FRMD7: variants seen among roughly 807,000 people sequenced by gnomAD.
The protein encoded by FRMD7 is FERM domain containing 7, also known as FERM domain-containing protein 7.
In FRMD7, 14 loss-of-function variants were observed where a neutral mutation model predicts 44.1. That is an observed-to-expected ratio of 0.32 (90% CI 0.21 to 0.50). FRMD7 has a LOEUF of 0.50. FRMD7 is among the 20% of genes least tolerant of loss of function. FRMD7 has a pLI of 0.99. For synonymous variants in FRMD7, 212 were observed against 187.4 expected (o/e 1.13, Z -1.07); for missense variants, 501 against 522.3 (o/e 0.96, Z 0.40).
At chrX:132,095,058 T>TTTTATTTATTTA (rs10554395) in intron 4 of FRMD7, among the ~76,000 whole-genome samples, 2 of 91,310 alleles carry the variant, frequency 2.2e-5, no homozygotes, top group African/African-American at 4.0e-5. Context: ...GGTTCCAATA[T>TTTTATTTATTTA]TTTATTTATT....
Position 132,085,635 on chromosome X carries a change from A to T in FRMD7, c.591T>A (p.Gly197=). 8.3e-7 allele frequency: 1 copy of T among 1,209,895 alleles called. No individual in the cohort carries two copies. Among genetic ancestry groups the T allele is most frequent in the East Asian group, 3.0e-5 (1 of 33,825 alleles). The change falls in exon 7 of 12, where the codon GGT becomes GGA. Residue 197 remains glycine, a synonymous_variant. Transcript: ENST00000298542. The part of the protein sequence containing the change: ...YGIRPHPASD[G]EGMQIHLAVA... ...CAGCCAGGTGAATCTGCATCCCTTC[A>T]CCATCACTGGCGGGGTGAGGCCTGA...
Position 132,102,107 on chromosome X carries a change from C to G in FRMD7, c.58-1391G>C, listed in dbSNP as rs779083185. ...AGAGTCCATCCACCACCAATTCCCC[C>G]CTCCCTCAAGGCAGCACCACACTGA... On this transcript the variant is annotated intron_variant, in intron 1 of 11. Coordinates refer to ENST00000298542, the MANE Select transcript of FRMD7 (RefSeq NM_194277.3). 5.4e-5 allele frequency among the ~76,000 whole-genome samples: 6 copies of G among 110,680 alleles called. No individual in the cohort carries two copies. In the South Asian group the frequency reaches 2.3e-3, roughly 43 times the overall value.
At chrX:132,089,764 T>TAA (rs2124232028) in intron 5 of FRMD7, among the ~76,000 whole-genome samples, 1 of 112,190 alleles carries the variant, frequency 8.9e-6, no homozygotes, top group African/African-American at 3.2e-5. Context: ...AGGAAAATGC[T>TAA]AATTAAAATT....
intron 1 of FRMD7, among the ~76,000 whole-genome samples, chrX:132,101,980 C>A (rs1928512304): frequency 9.0e-6 from 1 of 111,197 alleles, no homozygotes. Context: ...TAGTTAAAGG[C>A]GAGTCACGCG....
At position 132,078,626 on chromosome X, in the gene FRMD7, G is replaced by A; in HGVS notation, c.1391C>T (p.Thr464Ile). 2 of 1,211,290 alleles carry A rather than the reference G, an allele frequency of 1.7e-6. No homozygotes were observed. The highest frequency in any genetic ancestry group is 2.3e-4 in the Middle Eastern group (1 of 4,353). ...CTGCTTTGCTGGACGCACTTTGCTTGTGAGGCCAGAATATATGCTCATGTG... is the reference window on the plus strand; with the variant it reads ...CTGCTTTGCTGGACGCACTTTGCTTATGAGGCCAGAATATATGCTCATGTG... ...GNHMSIYSGLTSKVRPAKQLT... is the reference protein window; with the variant it reads ...GNHMSIYSGLISKVRPAKQLT... Residue 464 changes from threonine to isoleucine, a missense_variant, in exon 12 of 12, where the codon ACA (threonine) becomes ATA (isoleucine). Around this residue, in one of 3 missense-constraint regions of FRMD7, gnomAD observed 453 missense variants for 452.7 expected, o/e 1.00. Coordinates refer to ENST00000298542, the MANE Select transcript of FRMD7 (RefSeq NM_194277.3).
chrX:132,081,139 C>T (rs1489580872), intron 9 of FRMD7, among the ~76,000 whole-genome samples: 2 of 111,720 alleles, frequency 1.8e-5, no homozygotes, highest in Non-Finnish European at 3.8e-5. Flanking sequence ...CCAAGATCAG[C>T]CTGGCCAAGA....
intron 1 of FRMD7, among the ~76,000 whole-genome samples, chrX:132,113,537 A>G (rs1271141728): frequency 2.7e-5 from 3 of 111,557 alleles, no homozygotes; most frequent in Non-Finnish European, 5.6e-5. Context: ...AGAGAAAACT[A>G]TTATCTAGGT....
At chrX:132,085,080 G>C (rs1439224822) in intron 7 of FRMD7, among the ~76,000 whole-genome samples, 2 of 110,552 alleles carry the variant, frequency 1.8e-5, no homozygotes, top group South Asian at 3.9e-4. Flanking sequence ...CCTCTCTCCT[G>C]CAGTCTCCTC....
intron 9 of FRMD7, 62 bp downstream of exon 9, chrX:132,082,301 G>A (rs1364791916): frequency 2.1e-6 from 2 of 966,744 alleles, no homozygotes; most frequent in Non-Finnish European, 3.0e-6. Context: ...CTCCTCCTAA[G>A]CCTCCTGTGT....
chrX:132,098,034 A>T (rs1928393378), intron 3 of FRMD7, among the ~76,000 whole-genome samples: 1 of 111,612 alleles, frequency 9.0e-6, no homozygotes. Context: ...AAATGCTATA[A>T]GCACTGAGTA....
intron 2 of FRMD7, 40 bp from the exon 3 acceptor site, chrX:132,099,550 T>C: frequency 9.5e-7 from 1 of 1,058,139 alleles, no homozygotes; most frequent in Non-Finnish European, 1.3e-6. Context: ...GAGCATGGCA[T>C]TGAGCAGAGC....
At chrX:132,108,261 A>C (rs1928693879) in intron 1 of FRMD7, among the ~76,000 whole-genome samples, 1 of 112,069 alleles carries the variant, frequency 8.9e-6, no homozygotes, top group Admixed American at 9.5e-5. Context: ...GTGGGAGTGA[A>C]TAATAATGAG....
intron 5 of FRMD7, among the ~76,000 whole-genome samples, chrX:132,090,934 G>A (rs1458312133): frequency 2.7e-5 from 3 of 110,930 alleles, no homozygotes; most frequent in African/African-American, 9.9e-5. Flanking sequence ...GGTGACAAAT[G>A]TTATAAGCAC....
At chrX:132,109,076 G>A (rs891576498) in intron 1 of FRMD7, among the ~76,000 whole-genome samples, 1 of 112,018 alleles carries the variant, frequency 8.9e-6, no homozygotes, top group Non-Finnish European at 1.9e-5. Flanking sequence ...ATATTTATTT[G>A]AATATTCAAG....
In FRMD7 at chrX:132,092,900, C is replaced by T. The variant is rs181934911; in HGVS notation, c.382+1142G>A. Among the ~76,000 whole-genome samples, 255 of 111,920 alleles carry T rather than the reference C, an allele frequency of 2.3e-3. 1 individual carries two copies. The highest frequency in any genetic ancestry group is 7.9e-3 in the African/African-American group (242 of 30,774). On this transcript the variant is annotated intron_variant, in intron 5 of 11. Transcript: ENST00000298542. ...TTTTCCATCACCTCTTCTAAACAGG[C>T]CCTATGTTTGGGCTATACTGGGTCA... is the stretch of plus-strand genomic sequence containing the variant.
intron 1 of FRMD7, among the ~76,000 whole-genome samples, chrX:132,118,852 G>C (rs1340599083): frequency 9.1e-6 from 1 of 110,015 alleles, no homozygotes; most frequent in East Asian, 2.9e-4. Context: ...CTTCATCTCT[G>C]CTCCCCCACA....
At chrX:132,083,310 T>G (rs1927880637) in intron 8 of FRMD7, among the ~76,000 whole-genome samples, 1 of 111,960 alleles carries the variant, frequency 8.9e-6, no homozygotes, top group African/African-American at 3.2e-5. Context: ...TAGGTTGTCT[T>G]GTACAATGCT....
intron 1 of FRMD7, among the ~76,000 whole-genome samples, chrX:132,125,413 G>T (rs956453069): frequency 3.6e-5 from 4 of 111,514 alleles, no homozygotes; most frequent in Admixed American, 2.9e-4. Flanking sequence ...TATCTTGAAG[G>T]ACAATTTTCC....
chrX:132,084,912 C>A (rs1927934481), intron 7 of FRMD7, among the ~76,000 whole-genome samples: 1 of 111,904 alleles, frequency 8.9e-6, no homozygotes, highest in African/African-American at 3.3e-5. Context: ...CTGCTAAAAA[C>A]AATGTCCTCT....
Sources: gnomAD v4.1 joint callset for allele counts (sites outside exome capture counted in the v4.1 genomes callset) on GRCh38, gnomAD v4.1.1 for gene constraint, gnomAD v4.1.1 regional missense constraint, MANE v1.5 for transcripts, NCBI Gene and HGNC (gene_info 2026-07-23, HGNC 2026-07-21) for gene names.